Variants in CLPTM1L observed in about 807,000 individuals in gnomAD.
CLPTM1L encodes CLPTM1 like, also known as lipid scramblase CLPTM1L.
Under a neutral mutation model 70.9 loss-of-function variants are expected in CLPTM1L, and 38 were observed. That is an observed-to-expected ratio of 0.54 (90% CI 0.41 to 0.70). The LOEUF is 0.70. Ranked by LOEUF, CLPTM1L falls within the 30% of genes least tolerant of loss-of-function variation. The probability of loss-of-function intolerance (pLI) is 0.00; values close to 1 mark genes in which losing one functional copy is unlikely to be tolerated. For synonymous variants in CLPTM1L, 339 were observed against 299.9 expected (o/e 1.13, Z -1.35); for missense variants, 652 against 705.9 (o/e 0.92, Z 0.87).
intron 7 of CLPTM1L, chr5:1,332,164 T>G: frequency 2.4e-6 from 1 of 423,676 alleles, no homozygotes. Context: ...AGGCTCTGGA[T>G]TCCCCTGGAT....
chr5:1,334,186 C>G (rs1295255510), intron 7 of CLPTM1L, 103 bp downstream of exon 7: 1 of 766,216 alleles, frequency 1.3e-6, no homozygotes, highest in Non-Finnish European at 2.2e-6. Context: ...GGCCACAGGG[C>G]TGGACGGCGC....
chr5:1,344,308 GTAA>G, intron 2 of CLPTM1L, 40 bp downstream of exon 2: 1 of 1,277,578 alleles, frequency 7.8e-7, no homozygotes, highest in Non-Finnish European at 1.1e-6. Flanking sequence ...CTGAACATGA[GTAA>G]TGTTTTCCCT....
chr5:1,334,522 G>C (rs1579644943), intron 6 of CLPTM1L, 139 bp from the exon 7 acceptor site: 1 of 609,650 alleles, frequency 1.6e-6, no homozygotes, highest in South Asian at 2.0e-5. Context: ...GGGAATCTCA[G>C]GCAGGCAGAT....
rs1752410066 is a variant in CLPTM1L, at chr5:1,324,747, A to G, written c.1197+16T>C. 1 of 1,613,310 alleles carries G rather than the reference A, an allele frequency of 6.2e-7. No homozygotes were observed. Among genetic ancestry groups the G allele is most frequent in the Non-Finnish European group, 8.5e-7 (1 of 1,179,196 alleles). Reference sequence around the variant, plus strand: ...TTTGCCTGGCATGCACGTGCCCTGAATCACAAGTGACTTACCTGAGTATCG... The same window carrying G: ...TTTGCCTGGCATGCACGTGCCCTGAGTCACAAGTGACTTACCTGAGTATCG... On this transcript the variant is annotated intron_variant, in intron 11 of 16. Coordinates refer to ENST00000320895, the MANE Select transcript of CLPTM1L (RefSeq NM_030782.5).
intron 9 of CLPTM1L, among the ~76,000 whole-genome samples, chr5:1,328,936 G>GCACATTCCATCCA (rs1752869141): frequency 9.6e-6 from 1 of 104,030 alleles, no homozygotes; most frequent in African/African-American, 4.5e-5. Context: ...TCCTCTACAG[G>GCACATTCCATCCA]GACATTCCAT....
Position 1,331,823 on chromosome 5 carries a change from T to C in CLPTM1L, c.952A>G (p.Met318Val). 2 of 1,613,466 alleles carry C rather than the reference T, an allele frequency of 1.2e-6. No individual in the cohort carries two copies. The highest frequency in any genetic ancestry group is 1.7e-6 in the Non-Finnish European group (2 of 1,179,990). Residue 318 changes from methionine to valine, a missense_variant, in exon 8 of 17, where the codon ATG becomes GTG. Transcript: ENST00000320895. ...DISFWKKKKS[M>V]IGMSTKAVLW... ...CCTGCCTTGGTGGACATGCCGATCA[T>C]GCTCTTCTTCTTCTTCCAGAAACTG...
At chr5:1,336,870 G>A (rs1316450466) in intron 5 of CLPTM1L, among the ~76,000 whole-genome samples, 5 of 152,188 alleles carry the variant, frequency 3.3e-5, no homozygotes, top group Non-Finnish European at 4.4e-5. Flanking sequence ...TCTGAGAGCC[G>A]CAGTCAGGAG....
chr5:1,323,522 G>A (rs1469966540), intron 12 of CLPTM1L, among the ~76,000 whole-genome samples: 3 of 151,890 alleles, frequency 2.0e-5, no homozygotes, highest in Non-Finnish European at 4.4e-5. Context: ...CAGAGGCCAG[G>A]GGCTCCAGGA....
chr5:1,320,736 A>G lies in CLPTM1L; in HGVS notation c.1417-5T>C. The G allele has an allele frequency of 6.6e-7, 1 of 1,516,564 alleles. No individual in the cohort carries two copies. Among genetic ancestry groups the G allele is most frequent in the African/African-American group, 1.4e-5 (1 of 72,326 alleles). The allele number at this position is 1,516,564 out of a possible 1,614,324, so 93.9% of individuals were successfully genotyped here. On this transcript the variant is annotated splice_region_variant and splice_polypyrimidine_tract_variant and intron_variant, in intron 15 of 16. Transcript: ENST00000320895. ...ATCAATGAAGGTGTTGAAAGCCTGCAGGGCCAGACGGGAGGAGGGTGAACC... is the reference window on the plus strand; with the variant it reads ...ATCAATGAAGGTGTTGAAAGCCTGCGGGGCCAGACGGGAGGAGGGTGAACC...
chr5:1,337,538 T>C (rs993648300), intron 5 of CLPTM1L, among the ~76,000 whole-genome samples: 6 of 152,242 alleles, frequency 3.9e-5, no homozygotes, highest in Non-Finnish European at 7.3e-5. Flanking sequence ...CTCAGGATAC[T>C]GTGAATTAAT....
In CLPTM1L at chr5:1,329,469, GGCCTCAGGACTCTCTGCTTGGTGGACAGA is replaced by G. The variant is rs1752924556; in HGVS notation, c.1080+782_1080+810del. Among the ~76,000 whole-genome samples the G allele has an allele frequency of 8.1e-4, 116 of 143,778 alleles. 1 individual carries two copies. The highest frequency in any genetic ancestry group is 1.6e-3 in the African/African-American group (61 of 37,478). 94.3% of individuals were successfully genotyped at this position (143,778 alleles called of 152,430 possible). On this transcript the variant is annotated intron_variant, in intron 9 of 16. Transcript: ENST00000320895. ...GGACTCACCACTGCTTGGTGGACAGGGCCTCAGGACTCTCTGCTTGGTGGACAGAGCCTCAGGACTCTCTGCTTGGTGGA... is the reference window on the plus strand; with the variant it reads ...GGACTCACCACTGCTTGGTGGACAGGGCCTCAGGACTCTCTGCTTGGTGGA...
At chr5:1,336,273 C>G (rs1378623013) in intron 5 of CLPTM1L, among the ~76,000 whole-genome samples, 1 of 152,220 alleles carries the variant, frequency 6.6e-6, no homozygotes, top group African/African-American at 2.4e-5. Flanking sequence ...CTTCCTCTCT[C>G]AAGACAGCAC....
intron 1 of CLPTM1L, 79 bp from the exon 2 acceptor site, chr5:1,344,530 G>A (rs1754152115): frequency 1.3e-6 from 2 of 1,491,574 alleles, no homozygotes; most frequent in East Asian, 2.3e-5. Context: ...CAGCTGGAGG[G>A]CGGAAGACCT....
rs1182847286 is a variant in CLPTM1L, at chr5:1,344,331, A to G, written c.263+20T>C. 6.6e-7 allele frequency: 1 copy of G among 1,518,082 alleles called. No homozygotes were observed. The highest frequency in any genetic ancestry group is 9.2e-7 in the Non-Finnish European group (1 of 1,092,228). The allele number at this position is 1,518,082 out of a possible 1,614,324, so 94.0% of individuals were successfully genotyped here. Reference sequence around the variant, plus strand: ...GAGTAATGTTTTCCCTTTCACTGGCATTTTGTCCTACGCCCATACCTTTCA... The same window carrying G: ...GAGTAATGTTTTCCCTTTCACTGGCGTTTTGTCCTACGCCCATACCTTTCA... On this transcript the variant is annotated intron_variant, in intron 2 of 16. Transcript: ENST00000320895.
intron 13 of CLPTM1L, among the ~76,000 whole-genome samples, chr5:1,322,296 G>T (rs1201652020): frequency 1.3e-5 from 2 of 152,322 alleles, no homozygotes; most frequent in African/African-American, 4.8e-5. Flanking sequence ...TGGTCTGGTG[G>T]GGCTGGGGGA....
intron 3 of CLPTM1L, among the ~76,000 whole-genome samples, chr5:1,339,555 G>A (rs1195617175): frequency 1.3e-4 from 17 of 129,110 alleles, no homozygotes; most frequent in African/African-American, 4.7e-4. Flanking sequence ...CCACGCACAT[G>A]GAAAAACCGC....
intron 16 of CLPTM1L, among the ~76,000 whole-genome samples, chr5:1,319,940 G>A (rs191200299): frequency 2.6e-5 from 4 of 152,316 alleles, no homozygotes; most frequent in African/African-American, 9.6e-5. Context: ...GAGCTGGAGG[G>A]AGGTTTTGCT....
chr5:1,333,603 ATGAGGG>A (rs1753312870), intron 7 of CLPTM1L, among the ~76,000 whole-genome samples: 1 of 148,744 alleles, frequency 6.7e-6, no homozygotes, highest in Non-Finnish European at 1.5e-5. Flanking sequence ...CGGGATGAGG[ATGAGGG>A]ACTATTGTAT....
At chr5:1,320,908 C>T (rs752742761) in intron 15 of CLPTM1L, among the ~76,000 whole-genome samples, 177 bp from the exon 16 acceptor site, 3 of 152,234 alleles carry the variant, frequency 2.0e-5, no homozygotes, top group Non-Finnish European at 2.9e-5. Flanking sequence ...GCTCTGTTCC[C>T]TCATGGGCTC....
Sources: allele counts gnomAD v4.1 joint callset (sites outside exome capture counted in the v4.1 genomes callset), GRCh38; gene constraint gnomAD v4.1.1; transcripts MANE v1.5; gene names NCBI Gene and HGNC (gene_info 2026-07-23, HGNC 2026-07-21).